CSMD1: variants seen among roughly 807,000 people sequenced by gnomAD.
The protein encoded by CSMD1 is CUB and Sushi multiple domains 1.
A neutral mutation model predicts 417.5 loss-of-function variants in CSMD1; 213 were observed. The ratio of observed to expected loss-of-function variants is 0.51; its 90% CI spans 0.46 to 0.57. The LOEUF (loss-of-function observed/expected upper bound fraction) is 0.57, where lower values mean the gene tolerates loss of function less well. Among genes scored for constraint, CSMD1 ranks in the 20% least tolerant of loss-of-function variants. CSMD1 has a pLI of 0.00. For missense variants in CSMD1, 6,923 were observed against 4,529.7 expected (o/e 1.53, Z -15.17); for synonymous variants, 2,862 against 1,736.8 (o/e 1.65, Z -16.11).
intron 65 of CSMD1, among the ~76,000 whole-genome samples, chr8:2,952,425 G>C (rs1802698015): frequency 6.6e-6 from 1 of 152,140 alleles, no homozygotes; most frequent in Non-Finnish European, 1.5e-5. Flanking sequence ...GGCCTAGCAA[G>C]AGAAGGGTTA....
At chr8:4,308,557 A>AT (rs1563428728) in intron 3 of CSMD1, among the ~76,000 whole-genome samples, 1 of 152,212 alleles carries the variant, frequency 6.6e-6, no homozygotes, top group East Asian at 1.9e-4. Context: ...TGTCTTCGAT[A>AT]TATCTTCCTG....
intron 32 of CSMD1, among the ~76,000 whole-genome samples, chr8:3,200,051 C>A (rs1273850625): frequency 6.6e-6 from 1 of 151,950 alleles, no homozygotes; most frequent in African/African-American, 2.4e-5. Flanking sequence ...CTTATGATTT[C>A]TTTTGAAGAA....
chr8:4,768,602 C>G (rs550827116), intron 1 of CSMD1, among the ~76,000 whole-genome samples: 4 of 152,206 alleles, frequency 2.6e-5, no homozygotes, highest in Admixed American at 6.5e-5. Context: ...CTGATTTGTT[C>G]TGTTTACCTG....
chr8:3,153,986 A>G (rs1274567295), intron 39 of CSMD1, among the ~76,000 whole-genome samples: 1 of 152,216 alleles, frequency 6.6e-6, no homozygotes, highest in Non-Finnish European at 1.5e-5. Context: ...CTTTTTTTTA[A>G]GACAGAGTCT....
chr8:3,584,760 G>A (rs4875744), intron 9 of CSMD1, among the ~76,000 whole-genome samples: 56,690 of 151,976 alleles, frequency 0.37, 11,212 homozygotes, highest in Middle Eastern at 0.46. Context: ...CCTATTTCCC[G>A]GATATAAGAG....
At chr8:3,488,964 T>C (rs1210875056) in intron 11 of CSMD1, among the ~76,000 whole-genome samples, 1 of 152,240 alleles carries the variant, frequency 6.6e-6, no homozygotes, top group Non-Finnish European at 1.5e-5. Context: ...TATCTTTATA[T>C]CTTTATTACC....
At chr8:3,982,111 T>C (rs570752191) in intron 5 of CSMD1, among the ~76,000 whole-genome samples, 67 of 150,802 alleles carry the variant, frequency 4.4e-4, no homozygotes, top group African/African-American at 1.3e-3. Flanking sequence ...TGAGTCGAGA[T>C]TGCACAACTG....
At chr8:3,704,902 G>C (rs549305106) in intron 7 of CSMD1, 2 of 152,244 alleles carry the variant, frequency 1.3e-5, no homozygotes, top group African/African-American at 2.4e-5. Context: ...AGGACTTTGG[G>C]TGGATCTGAT....
intron 2 of CSMD1, among the ~76,000 whole-genome samples, chr8:4,487,128 G>A (rs1188554392): frequency 6.6e-6 from 1 of 152,018 alleles, no homozygotes; most frequent in South Asian, 2.1e-4. Context: ...ATCATATAAG[G>A]CACTATTTCA....
intron 27 of CSMD1, among the ~76,000 whole-genome samples, chr8:3,229,474 G>A (rs1265129598): frequency 6.6e-6 from 1 of 152,100 alleles, no homozygotes; most frequent in Non-Finnish European, 1.5e-5. Flanking sequence ...GGCTATTCAA[G>A]CCAAAGTCTG....
chr8:4,125,011 C>T (rs1802682643), intron 3 of CSMD1, among the ~76,000 whole-genome samples: 1 of 152,030 alleles, frequency 6.6e-6, no homozygotes, highest in African/African-American at 2.4e-5. Flanking sequence ...ATAAATCTTG[C>T]CGCCGCACAC....
chr8:4,732,134 G>A (rs959859821), intron 1 of CSMD1, among the ~76,000 whole-genome samples: 1 of 152,022 alleles, frequency 6.6e-6, no homozygotes. Context: ...GAGATTCAGA[G>A]GCTTCTAATA....
chr8:4,821,226 C>A (rs73181550), intron 1 of CSMD1, among the ~76,000 whole-genome samples: 6,232 of 152,178 alleles, frequency 0.041, 167 homozygotes, highest in African/African-American at 0.054. Context: ...AACATTCTTA[C>A]AATTATAAAG....
At chr8:3,690,492 G>C (rs1167647046) in intron 7 of CSMD1, among the ~76,000 whole-genome samples, 2 of 152,236 alleles carry the variant, frequency 1.3e-5, no homozygotes, top group Non-Finnish European at 2.9e-5. Context: ...GCAATACAAT[G>C]TCTGTACTAA....
At chr8:4,605,364 G>A (rs997669876) in intron 2 of CSMD1, among the ~76,000 whole-genome samples, 1 of 152,142 alleles carries the variant, frequency 6.6e-6, no homozygotes, top group African/African-American at 2.4e-5. Flanking sequence ...AGCAAAGAGA[G>A]GTTGAGTCCT....
rs56850233 is a variant in CSMD1 at position 4,118,402 on chromosome 8, C to CA, written c.416-86304dup. On this transcript the variant is annotated intron_variant, in intron 3 of 69. Transcript: ENST00000635120. Reference sequence around the variant, plus strand: ...TCTACAAAGAACTTAAAGAAATTTACAAAAAAAAAAAATCAAAAAGTATAC... The same window carrying CA: ...TCTACAAAGAACTTAAAGAAATTTACAAAAAAAAAAAAATCAAAAAGTATAC... 6.3e-3 allele frequency among the ~76,000 whole-genome samples: 797 copies of CA among 127,132 alleles called. 9 individuals carry two copies. Among genetic ancestry groups the CA allele is most frequent in the Middle Eastern group, 0.017 (4 of 240 alleles). 83.4% of individuals were successfully genotyped at this position (127,132 alleles called of 152,430 possible).
intron 3 of CSMD1, among the ~76,000 whole-genome samples, chr8:4,386,861 T>A (rs572772864): frequency 5.3e-4 from 80 of 152,320 alleles, no homozygotes; most frequent in African/African-American, 1.9e-3. Context: ...AAATGTTGAA[T>A]CCCTCGTGGA....
At chr8:4,512,182 T>C (rs530063403) in intron 2 of CSMD1, among the ~76,000 whole-genome samples, 123 of 151,916 alleles carry the variant, frequency 8.1e-4, no homozygotes, top group Non-Finnish European at 1.5e-3. Flanking sequence ...AAAGAAAAAA[T>C]CACATGATCA....
At chr8:3,308,526 A>T in intron 23 of CSMD1, 23 bp from the exon 24 acceptor site, 1 of 1,593,498 alleles carries the variant, frequency 6.3e-7, no homozygotes, top group Middle Eastern at 1.7e-4. Flanking sequence ...AAGGCAAGGA[A>T]TGAACAGAAC....
Sources: gnomAD v4.1 joint callset for allele counts (sites outside exome capture counted in the v4.1 genomes callset) on GRCh38, gnomAD v4.1.1 for gene constraint, MANE v1.5 for transcripts, NCBI Gene and HGNC (gene_info 2026-07-23, HGNC 2026-07-21) for gene names.